COA5: variants seen among roughly 807,000 people sequenced by gnomAD.
The protein encoded by COA5 is cytochrome c oxidase assembly factor 5.
COA5 carries 11 observed loss-of-function variants against 11.8 expected under a neutral mutation model. That is an observed-to-expected ratio of 0.93 (90% CI 0.59 to 1.54). The LOEUF is 1.54. Ranked by LOEUF, COA5 falls within the 40% of genes most tolerant of loss-of-function variation. COA5 has a pLI of 0.00. For missense variants in COA5, 87 were observed against 89.2 expected (o/e 0.97, Z 0.10); for synonymous variants, 38 against 37.5 (o/e 1.01, Z -0.05).
rs1330987941 is a variant in COA5, at chr2:98,600,445, G to A, written c.*307C>T. 2.4e-6 allele frequency: 1 copy of A among 415,486 alleles called. No individual in the cohort carries two copies. The highest frequency in any genetic ancestry group is 4.5e-6 in the Non-Finnish European group (1 of 223,872). 25.7% of individuals were successfully genotyped at this position (415,486 alleles called of 1,614,324 possible). On this transcript the variant is annotated 3_prime_UTR_variant, in exon 3 of 3. Coordinates refer to ENST00000328709, the MANE Select transcript of COA5 (RefSeq NM_001008215.3). ...ACTAATTGGGTAATTCAATTGAAGA[G>A]TCAAGTTTGCAAATAACAGTCTTTC...
intron 2 of COA5, among the ~76,000 whole-genome samples, chr2:98,603,695 C>A (rs1218046244): frequency 6.6e-6 from 1 of 152,184 alleles, no homozygotes; most frequent in African/African-American, 2.4e-5. Flanking sequence ...CAATCCATCC[C>A]TCCAAAATTC....
intron 1 of COA5, 105 bp downstream of exon 1, chr2:98,608,202 G>T: frequency 1.2e-6 from 1 of 804,222 alleles, no homozygotes; most frequent in Non-Finnish European, 2.1e-6. Context: ...CCTACGCCCG[G>T]GATGGTTAAC....
chr2:98,604,938 C>T (rs1214417454), intron 1 of COA5: 1 of 152,312 alleles, frequency 6.6e-6, no homozygotes, highest in East Asian at 1.9e-4. Flanking sequence ...CTCTGCAATT[C>T]TGCTGGTGGG....
intron 1 of COA5, among the ~76,000 whole-genome samples, chr2:98,605,232 C>T (rs936337985): frequency 1.3e-5 from 2 of 152,166 alleles, no homozygotes; most frequent in South Asian, 2.1e-4. Flanking sequence ...ATCTCCTAGA[C>T]GCCCTTGCAT....
At chr2:98,607,520 A>G (rs1700724000) in intron 1 of COA5, among the ~76,000 whole-genome samples, 1 of 152,222 alleles carries the variant, frequency 6.6e-6, no homozygotes, top group Non-Finnish European at 1.5e-5. Flanking sequence ...ATTTGGGGGT[A>G]ATCTTTTCTC....
Position 98,604,381 on chromosome 2 carries a change from T to G in COA5, c.100-190A>C, listed in dbSNP as rs548734656. Reference sequence around the variant, plus strand: ...AATGAAAAAAAAATTGTAAAGTAACTTGGGAACTTTAAGGACACTGTTGAA... The same window carrying G: ...AATGAAAAAAAAATTGTAAAGTAACGTGGGAACTTTAAGGACACTGTTGAA... On this transcript the variant is annotated intron_variant, in intron 1 of 2. Coordinates refer to ENST00000328709, the MANE Select transcript of COA5 (RefSeq NM_001008215.3). 5 of 577,734 alleles carry G rather than the reference T, an allele frequency of 8.7e-6. 1 individual carries two copies. In the South Asian group the frequency reaches 1.0e-4, roughly 12 times the overall value. 35.8% of individuals were successfully genotyped at this position (577,734 alleles called of 1,614,324 possible). A position where few individuals can be genotyped will look rare whatever the true frequency, so the allele number is the denominator to read the frequency against.
chr2:98,603,656 T>C (rs947028321), intron 2 of COA5, among the ~76,000 whole-genome samples: 24 of 152,140 alleles, frequency 1.6e-4, no homozygotes, highest in African/African-American at 5.6e-4. Context: ...CCCCAGAGAT[T>C]TGTAATCTCT....
chr2:98,607,353 A>G (rs1313710383), intron 1 of COA5, among the ~76,000 whole-genome samples: 1 of 152,190 alleles, frequency 6.6e-6, no homozygotes, highest in Non-Finnish European at 1.5e-5. Flanking sequence ...CAGTTTCCTC[A>G]TTTATATAAG....
At chr2:98,604,574 G>A in intron 1 of COA5, 2 of 232,886 alleles carry the variant, frequency 8.6e-6, no homozygotes, top group East Asian at 1.2e-4. Flanking sequence ...TATTAACAAG[G>A]CAGGCTGGAA....
In COA5 at chr2:98,603,402, A is replaced by G. The variant is rs545384707; in HGVS notation, c.183+706T>C. 2.6e-5 allele frequency among the ~76,000 whole-genome samples: 4 copies of G among 152,188 alleles called. No individual in the cohort carries two copies. The South Asian group carries it at 8.3e-4, about 32-fold the overall frequency. On this transcript the variant is annotated intron_variant, in intron 2 of 2. Coordinates refer to ENST00000328709, the MANE Select transcript of COA5 (RefSeq NM_001008215.3). ...AGGCTGAGGCAGGAGAATCTCTTGAACCCAGGAGGCAGAGGTTGCAGTGAT... is the reference window on the plus strand; with the variant it reads ...AGGCTGAGGCAGGAGAATCTCTTGAGCCCAGGAGGCAGAGGTTGCAGTGAT...
chr2:98,606,532 T>A (rs950803902), intron 1 of COA5, among the ~76,000 whole-genome samples: 4 of 152,236 alleles, frequency 2.6e-5, no homozygotes, highest in Admixed American at 2.6e-4. Context: ...CCTACAGCAT[T>A]CTAGCCAAAC....
intron 1 of COA5, 59 bp downstream of exon 1, chr2:98,608,248 C>A: frequency 1.5e-6 from 2 of 1,354,448 alleles, no homozygotes; most frequent in Non-Finnish European, 1.0e-6. Context: ...CTGCCCTCCG[C>A]CGAGCCAGGC....
chr2:98,605,545 T>C (rs547357989), intron 1 of COA5, among the ~76,000 whole-genome samples: 1 of 152,364 alleles, frequency 6.6e-6, no homozygotes, highest in East Asian at 1.9e-4. Flanking sequence ...GAAAGTTCTC[T>C]ATCTCGTTTA....
Position 98,600,635 on chromosome 2 carries a change from G to A in COA5, c.*117C>T. The A allele has an allele frequency of 1.2e-6, 1 of 833,652 alleles. No homozygotes were observed. The highest frequency in any genetic ancestry group is 2.0e-6 in the Non-Finnish European group (1 of 495,344). The allele number at this position is 833,652 out of a possible 1,614,324, so 51.6% of individuals were successfully genotyped here. On this transcript the variant is annotated 3_prime_UTR_variant, in exon 3 of 3. Coordinates refer to ENST00000328709, the MANE Select transcript of COA5 (RefSeq NM_001008215.3). ...CACTTTCTTCAGTGTTCCACGGAGGGGAAATCTGGTCCAACCAAACAGATG... is the reference window on the plus strand; with the variant it reads ...CACTTTCTTCAGTGTTCCACGGAGGAGAAATCTGGTCCAACCAAACAGATG...
Position 98,604,107 on chromosome 2 carries a change from C to T in COA5, c.183+1G>A, listed in dbSNP as rs1454254713. The T allele has an allele frequency of 1.2e-6, 2 of 1,610,896 alleles. No homozygotes were observed. The highest frequency in any genetic ancestry group is 1.7e-6 in the Non-Finnish European group (2 of 1,177,296). On this transcript the variant is annotated splice_donor_variant, in intron 2 of 2. Coordinates refer to ENST00000328709, the MANE Select transcript of COA5 (RefSeq NM_001008215.3). LOFTEE classifies it high-confidence loss of function. Reference sequence around the variant, plus strand: ...GCTTTTAAAAATCTTTAACCACTTACCACTGATCTTTTACACTCAAAAAAT... The same window carrying T: ...GCTTTTAAAAATCTTTAACCACTTATCACTGATCTTTTACACTCAAAAAAT...
chr2:98,606,045 A>C (rs1028143657), intron 1 of COA5, among the ~76,000 whole-genome samples: 1 of 152,106 alleles, frequency 6.6e-6, no homozygotes, highest in Non-Finnish European at 1.5e-5. Flanking sequence ...AACTAAATAC[A>C]TGTTTATGTT....
rs569696522 is a variant in COA5, at chr2:98,601,862, T to C, written c.184-1069A>G. 3.3e-5 allele frequency among the ~76,000 whole-genome samples: 5 copies of C among 152,298 alleles called. No individual in the cohort carries two copies. In the East Asian group the frequency reaches 7.7e-4, roughly 24 times the overall value. On this transcript the variant is annotated intron_variant, in intron 2 of 2. Transcript: ENST00000328709. Reference sequence around the variant, plus strand: ...AGGTGGTACGTTCCTTATGAGAATCTAATGCCTGATGACCTGAAGTGGAAC... The same window carrying C: ...AGGTGGTACGTTCCTTATGAGAATCCAATGCCTGATGACCTGAAGTGGAAC...
chr2:98,600,952 A>G (rs1395229622), intron 2 of COA5, among the ~76,000 whole-genome samples, 159 bp from the exon 3 acceptor site: 5 of 152,200 alleles, frequency 3.3e-5, no homozygotes, highest in African/African-American at 1.2e-4. Context: ...CCACAGTAAC[A>G]AAGATGGCAT....
intron 1 of COA5, 46 bp downstream of exon 1, chr2:98,608,261 G>T: frequency 1.4e-6 from 2 of 1,441,664 alleles, no homozygotes; most frequent in Non-Finnish European, 1.9e-6. Flanking sequence ...AGCCAGGCCT[G>T]CCTGGGACAG....
Sources: gnomAD v4.1 joint callset for allele counts (sites outside exome capture counted in the v4.1 genomes callset) on GRCh38, gnomAD v4.1.1 for gene constraint, MANE v1.5 for transcripts, NCBI Gene and HGNC (gene_info 2026-07-23, HGNC 2026-07-21) for gene names.